GNB1: variants seen among roughly 807,000 people sequenced by gnomAD.
The protein encoded by GNB1 is G protein subunit beta 1.
A neutral mutation model predicts 42.9 loss-of-function variants in GNB1; 2 were observed. That is an observed-to-expected ratio of 0.05 (90% CI 0.02 to 0.15). The LOEUF is 0.15. GNB1 is among the 10% of genes least tolerant of loss of function. The probability of loss-of-function intolerance (pLI) is 1.00; values close to 1 mark genes in which losing one functional copy is unlikely to be tolerated. For missense variants in GNB1, 193 were observed against 462.2 expected, an observed-to-expected ratio of 0.42 and a Z score of 5.34; for synonymous variants, 183 against 174.7, an observed-to-expected ratio of 1.05 and a Z score of -0.38.
chr1:1,832,685 G>C (rs538214454), intron 2 of GNB1, among the ~76,000 whole-genome samples: 2 of 152,306 alleles, frequency 1.3e-5, no homozygotes, highest in East Asian at 3.9e-4. Context: ...ACCCCTGAGA[G>C]TCTAGGAGGG....
In GNB1 at chr1:1,787,429, C is replaced by A. The variant is rs370929812; in HGVS notation, c.925G>T (p.Ala309Ser). ...ALKADRAGVL[A>S]GHDNRVSCLG... is the part of the protein sequence containing the mutation. Reference sequence around the variant, plus strand: ...CAGCTGACGCGGTTGTCATGCCCAGCCAAGACACCTGGGAGCAAACAACAG... The same window carrying A: ...CAGCTGACGCGGTTGTCATGCCCAGACAAGACACCTGGGAGCAAACAACAG... The change falls in exon 11 of 12, where the codon GCT becomes TCT. Residue 309 changes from alanine to serine, a missense_variant. Coordinates refer to ENST00000378609, the MANE Select transcript of GNB1 (RefSeq NM_002074.5). The surrounding 1 kb of genome is among the most constrained non-coding windows in gnomAD (Gnocchi z 4.4). 7 of 1,606,506 alleles carry A rather than the reference C, an allele frequency of 4.4e-6. No homozygotes were observed. The highest frequency in any genetic ancestry group is 1.7e-4 in the Middle Eastern group (1 of 6,038).
chr1:1,786,036 C>T lies in GNB1; in HGVS notation c.*1027G>A. ...ACAGCATGCGATTCTAAGAGTAAAC[C>T]CACCCAATATGGCAAACAATCAAAA... On this transcript the variant is annotated 3_prime_UTR_variant, in exon 12 of 12. Transcript: ENST00000378609. 2.5e-6 allele frequency: 1 copy of T among 398,570 alleles called. No individual in the cohort carries two copies. Among genetic ancestry groups the T allele is most frequent in the Non-Finnish European group, 4.4e-6 (1 of 226,008 alleles). 24.7% of individuals were successfully genotyped at this position (398,570 alleles called of 1,614,324 possible).
At chr1:1,815,253 G>A (rs562751331) in intron 5 of GNB1, among the ~76,000 whole-genome samples, 5 of 152,298 alleles carry the variant, frequency 3.3e-5, no homozygotes, top group East Asian at 1.9e-4. Context: ...GCGCATTCCC[G>A]TGTGTCTGCC....
chr1:1,883,879 AG>A (rs1274118715), intron 1 of GNB1, among the ~76,000 whole-genome samples: 1 of 152,086 alleles, frequency 6.6e-6, no homozygotes, highest in Non-Finnish European at 1.5e-5. Context: ...CCTAGATTTT[AG>A]GAATTATTTT....
At chr1:1,857,242 A>G (rs1648354790) in intron 1 of GNB1, among the ~76,000 whole-genome samples, 1 of 147,818 alleles carries the variant, frequency 6.8e-6, no homozygotes, top group Admixed American at 6.7e-5. Context: ...GGTCCCAAGG[A>G]AACTAAACTG....
chr1:1,818,640 A>T (rs1385510187), intron 3 of GNB1, among the ~76,000 whole-genome samples: 1 of 152,192 alleles, frequency 6.6e-6, no homozygotes, highest in Non-Finnish European at 1.5e-5. Context: ...AGGTGGGTGG[A>T]TCACCTGAGG....
chr1:1,870,064 T>C (rs1208693847), intron 1 of GNB1, among the ~76,000 whole-genome samples: 3 of 152,192 alleles, frequency 2.0e-5, no homozygotes, highest in Non-Finnish European at 4.4e-5. Flanking sequence ...TTTCACCATA[T>C]TGGCCAGGCT....
intron 1 of GNB1, among the ~76,000 whole-genome samples, chr1:1,868,471 T>C (rs1047367630): frequency 1.3e-5 from 2 of 152,102 alleles, no homozygotes; most frequent in Non-Finnish European, 2.9e-5. Flanking sequence ...TGCCTGGCCA[T>C]GTTTTCCCGT....
At chr1:1,816,257 T>C (rs559049087) in intron 4 of GNB1, among the ~76,000 whole-genome samples, 4 of 152,268 alleles carry the variant, frequency 2.6e-5, no homozygotes, top group Middle Eastern at 3.4e-3. Context: ...CACAATTTAA[T>C]AGCTGGTTCC....
chr1:1,883,278 C>CAAA (rs70937202), intron 1 of GNB1, among the ~76,000 whole-genome samples: 1 of 75,390 alleles, frequency 1.3e-5, no homozygotes, highest in Non-Finnish European at 2.6e-5. Context: ...AACCCTGTCC[C>CAAA]AAAAAAAAAA....
intron 3 of GNB1, among the ~76,000 whole-genome samples, chr1:1,822,109 C>T (rs1646937241): frequency 6.6e-6 from 1 of 151,802 alleles, no homozygotes; most frequent in Non-Finnish European, 1.5e-5. Flanking sequence ...AACACACAAA[C>T]AAAAAAATGA....
intron 1 of GNB1, among the ~76,000 whole-genome samples, chr1:1,864,360 A>ATTCTTAGC (rs1318183443): frequency 3.3e-5 from 5 of 149,518 alleles, no homozygotes; most frequent in African/African-American, 1.2e-4. Flanking sequence ...CGAAAAAACT[A>ATTCTTAGC]TTCTTAGCTT....
At chr1:1,881,256 A>G (rs1294026169) in intron 1 of GNB1, among the ~76,000 whole-genome samples, 2 of 151,988 alleles carry the variant, frequency 1.3e-5, no homozygotes, top group East Asian at 1.9e-4. Context: ...TCAATCGTCA[A>G]CCTGGTCCAG....
chr1:1,855,517 C>T (rs1437629092), intron 1 of GNB1, among the ~76,000 whole-genome samples: 2 of 151,598 alleles, frequency 1.3e-5, no homozygotes, highest in Admixed American at 6.6e-5. Context: ...CTGGCTAACA[C>T]AGTGAAACCC....
chr1:1,828,449 A>G (rs1446008470), intron 2 of GNB1, among the ~76,000 whole-genome samples: 1 of 152,184 alleles, frequency 6.6e-6, no homozygotes, highest in Non-Finnish European at 1.5e-5. Flanking sequence ...TTCTTTTCAC[A>G]TATTATACAA....
At chr1:1,848,357 C>CAAAAA (rs56979938) in intron 1 of GNB1, among the ~76,000 whole-genome samples, 17 of 94,328 alleles carry the variant, frequency 1.8e-4, no homozygotes, top group African/African-American at 6.6e-4. Context: ...CCAGCCCAGG[C>CAAAAA]AAAAAAAAAA....
intron 1 of GNB1, among the ~76,000 whole-genome samples, chr1:1,874,616 A>AAG (rs1480416811): frequency 6.7e-6 from 1 of 149,948 alleles, no homozygotes; most frequent in Non-Finnish European, 1.5e-5. Flanking sequence ...AAAAAAAAAA[A>AAG]AAAAAAAAAA....
chr1:1,834,964 G>A (rs539677094), intron 2 of GNB1, among the ~76,000 whole-genome samples: 2 of 152,162 alleles, frequency 1.3e-5, no homozygotes, highest in Non-Finnish European at 1.5e-5. Context: ...CACTGCACCC[G>A]GCCTCCAAGC....
rs138027923 is a variant in GNB1, at chr1:1,859,310, C to T, written c.-95-20072G>A. ...GTGCTGGGCTTACAGGCGTGAGCCA[C>T]CACGCCCCGACGGGGATTAGTTTTC... On this transcript the variant is annotated intron_variant, in intron 1 of 11. Coordinates refer to ENST00000378609, the MANE Select transcript of GNB1 (RefSeq NM_002074.5). Among the ~76,000 whole-genome samples the T allele has an allele frequency of 4.6e-3, 705 of 152,180 alleles. 6 individuals are homozygous for T. The highest frequency in any genetic ancestry group is 5.0e-3 in the Non-Finnish European group (338 of 67,990).
Sources: gnomAD v4.1 joint callset for allele counts (sites outside exome capture counted in the v4.1 genomes callset) on GRCh38, gnomAD v4.1.1 for gene constraint, Gnocchi (gnomAD v3.1) non-coding constraint, MANE v1.5 for transcripts, NCBI Gene and HGNC (gene_info 2026-07-23, HGNC 2026-07-21) for gene names.